Variants in CDH11 observed in about 807,000 individuals in gnomAD.
The protein encoded by CDH11 is cadherin 11.
CDH11 carries 11 observed loss-of-function variants against 67.8 expected under a neutral mutation model. The observed-to-expected ratio is 0.16, with a 90% CI of 0.10 to 0.27. The LOEUF (loss-of-function observed/expected upper bound fraction) is 0.27. Ranked by LOEUF, CDH11 falls within the 10% of genes least tolerant of loss-of-function variation. The pLI is 1.00. For missense variants in CDH11, 847 were observed against 1,031.2 expected (o/e 0.82, Z 2.45); for synonymous variants, 419 against 400.0 (o/e 1.05, Z -0.57).
At position 65,053,906 on chromosome 16, in the gene CDH11, C is replaced by T; in HGVS notation, c.-275G>A. On this transcript the variant is annotated 5_prime_UTR_variant, in exon 2 of 13. Transcript: ENST00000268603. ...AACACGAAGGAATGTCACAGGGCCG[C>T]TGAGCTGAAAACACAGTGATTTCTG... 2 of 456,048 alleles carry T rather than the reference C, an allele frequency of 4.4e-6. No individual in the cohort carries two copies. The highest frequency in any genetic ancestry group is 8.8e-6 in the Non-Finnish European group (2 of 226,796). The allele number at this position is 456,048 out of a possible 1,614,324, so 28.3% of individuals were successfully genotyped here. A position where few individuals can be genotyped will look rare whatever the true frequency, so the allele number is the denominator to read the frequency against.
At chr16:65,063,995 A>G (rs1335235492) in intron 1 of CDH11, among the ~76,000 whole-genome samples, 2 of 152,308 alleles carry the variant, frequency 1.3e-5, no homozygotes, top group Non-Finnish European at 1.5e-5. Context: ...TGGGGATTTC[A>G]TGGGCCAAAC....
chr16:65,025,417 A>T (rs899838069), intron 2 of CDH11, among the ~76,000 whole-genome samples: 12 of 152,148 alleles, frequency 7.9e-5, no homozygotes, highest in African/African-American at 2.7e-4. Context: ...GCTTCACTGC[A>T]ACCTCTGCTC....
chr16:65,012,253 C>T (rs1032025911), intron 2 of CDH11, among the ~76,000 whole-genome samples: 1 of 152,202 alleles, frequency 6.6e-6, no homozygotes, highest in Admixed American at 6.5e-5. Flanking sequence ...TCCACAACTT[C>T]CAATGCCTGG....
chr16:64,971,810 A>G lies in CDH11; in HGVS notation c.1525-114T>C, dbSNP rs142784847. On this transcript the variant is annotated intron_variant, in intron 10 of 12. Coordinates refer to ENST00000268603, the MANE Select transcript of CDH11 (RefSeq NM_001797.4). ...TTTAATTAGAGAACATAACTTCAGA[A>G]CAAAACTATGGCTCTGAAACCTTTT... 799 of 1,406,902 alleles carry G rather than the reference A, an allele frequency of 5.7e-4. 9 individuals are homozygous for G. In the African/African-American group the frequency reaches 8.5e-3, roughly 15 times the overall value. The allele number at this position is 1,406,902 out of a possible 1,614,324, so 87.2% of individuals were successfully genotyped here.
At position 65,053,868 on chromosome 16, in the gene CDH11, C is replaced by T. The variant is rs1367732474; in HGVS notation, c.-237G>A. 1.5e-5 allele frequency: 7 copies of T among 455,922 alleles called. No homozygotes were observed. Among genetic ancestry groups the T allele is most frequent in the Non-Finnish European group, 2.6e-5 (6 of 226,790 alleles). 28.2% of individuals were successfully genotyped at this position (455,922 alleles called of 1,614,324 possible). ...CACACTCCACCCATCTGATTGGTCA[C>T]TCAACAAATGACAACACGAAGGAAT... is the stretch of plus-strand genomic sequence containing the variant. On this transcript the variant is annotated 5_prime_UTR_variant, in exon 2 of 13. It adds an upstream start codon to the 5' untranslated region. Coordinates refer to ENST00000268603, the MANE Select transcript of CDH11 (RefSeq NM_001797.4).
upstream of CDH11, among the ~76,000 whole-genome samples, chr16:65,123,365 A>G (rs1272004255): frequency 6.6e-6 from 1 of 151,910 alleles, no homozygotes; most frequent in East Asian, 2.0e-4. Flanking sequence ...ACCCGCGAAA[A>G]AGACGGGGAA....
chr16:65,049,208 A>T (rs1221033707), intron 2 of CDH11, among the ~76,000 whole-genome samples: 1 of 152,160 alleles, frequency 6.6e-6, no homozygotes, highest in Non-Finnish European at 1.5e-5. Context: ...AAATAAAAAA[A>T]CTCAAGTAGA....
At position 64,998,555 on chromosome 16, in the gene CDH11, T is replaced by G. The variant is rs1256146715; in HGVS notation, c.523+7A>C. On this transcript the variant is annotated splice_region_variant and intron_variant, in intron 4 of 12. Transcript: ENST00000268603. ...GAAGCAGAGCAGGCCTCCCACACCGTACGCACCCACATTGGACCTCTCAGG... is the reference window on the plus strand; with the variant it reads ...GAAGCAGAGCAGGCCTCCCACACCGGACGCACCCACATTGGACCTCTCAGG... 6.2e-7 allele frequency: 1 copy of G among 1,613,620 alleles called. No individual in the cohort carries two copies. The highest frequency in any genetic ancestry group is 1.3e-5 in the African/African-American group (1 of 74,896).
chr16:64,957,319 T>G (rs1336864780), intron 11 of CDH11, among the ~76,000 whole-genome samples: 1 of 152,130 alleles, frequency 6.6e-6, no homozygotes, highest in African/African-American at 2.4e-5. Context: ...TGCAGACTGT[T>G]GGAAAACCGA....
intron 7 of CDH11, chr16:64,987,781 G>A (rs559625728): frequency 4.8e-5 from 8 of 165,468 alleles, no homozygotes; most frequent in Admixed American, 4.5e-4. Flanking sequence ...GTTCTGAACA[G>A]CTTATCTAAC....
At chr16:65,046,241 G>A (rs937869785) in intron 2 of CDH11, among the ~76,000 whole-genome samples, 5 of 152,168 alleles carry the variant, frequency 3.3e-5, no homozygotes, top group Non-Finnish European at 7.3e-5. Context: ...GCTGGTTGTC[G>A]GAAATGAAGT....
At chr16:65,024,811 T>C (rs1033844736) in intron 2 of CDH11, among the ~76,000 whole-genome samples, 2 of 152,170 alleles carry the variant, frequency 1.3e-5, no homozygotes, top group African/African-American at 4.8e-5. Context: ...TGAGTGGCTC[T>C]CCAGACAAGA....
At chr16:65,001,991 G>C (rs2072931409) in intron 3 of CDH11, among the ~76,000 whole-genome samples, 1 of 152,064 alleles carries the variant, frequency 6.6e-6, no homozygotes, top group African/African-American at 2.4e-5. Context: ...CACTTTTTCA[G>C]GGCATCTTAA....
At chr16:65,056,468 G>A (rs573969658) in intron 1 of CDH11, among the ~76,000 whole-genome samples, 3 of 152,140 alleles carry the variant, frequency 2.0e-5, no homozygotes, top group Non-Finnish European at 2.9e-5. Context: ...ATAGTAATAC[G>A]TTGTTGTTAT....
rs142642898 is a variant in CDH11, at chr16:65,013,720, G to A, written c.-172-8679C>T. Among the ~76,000 whole-genome samples, 940 of 151,932 alleles carry A rather than the reference G, an allele frequency of 6.2e-3. 13 individuals are homozygous for A. The highest frequency in any genetic ancestry group is 0.021 in the African/African-American group (861 of 41,424). On this transcript the variant is annotated intron_variant, in intron 2 of 12. Coordinates refer to ENST00000268603, the MANE Select transcript of CDH11 (RefSeq NM_001797.4). ...CGTGTGCCTGTAATCCCAGCTACTC[G>A]GGAGGCTGAGGCAGAAGAATTGCTT...
At chr16:65,093,648 C>T (rs2051214718) in intron 1 of CDH11, among the ~76,000 whole-genome samples, 1 of 152,080 alleles carries the variant, frequency 6.6e-6, no homozygotes, top group Admixed American at 6.5e-5. Context: ...TAGCAAGCAT[C>T]CATTCATCCA....
At chr16:64,978,869 T>C (rs1244545028) in intron 8 of CDH11, among the ~76,000 whole-genome samples, 24 of 152,020 alleles carry the variant, frequency 1.6e-4, no homozygotes, top group Admixed American at 1.6e-3. Context: ...TGACTTTAGA[T>C]TAGACAATTA....
In CDH11 at chr16:65,115,336, C is replaced by T. The variant is rs75326908; in HGVS notation, c.-298+6544G>A. Among the ~76,000 whole-genome samples, 8 of 152,182 alleles carry T rather than the reference C, an allele frequency of 5.3e-5. No homozygotes were observed. The East Asian group carries it at 1.5e-3, about 29-fold the overall frequency. On this transcript the variant is annotated intron_variant, in intron 1 of 12. Transcript: ENST00000268603. ...TACGAAATCATTCAAAAAAGGCAGG[C>T]ACTAATAAACAATTCATTGCTAATT...
At chr16:65,031,610 T>C (rs2073645505) in intron 2 of CDH11, among the ~76,000 whole-genome samples, 1 of 152,146 alleles carries the variant, frequency 6.6e-6, no homozygotes, top group African/African-American at 2.4e-5. Flanking sequence ...AGATCCTATG[T>C]TCAGGTAACC....
Sources: allele counts gnomAD v4.1 joint callset (sites outside exome capture counted in the v4.1 genomes callset), GRCh38; gene constraint gnomAD v4.1.1; transcripts MANE v1.5; gene names NCBI Gene and HGNC (gene_info 2026-07-23, HGNC 2026-07-21).